Variants in SHQ1 observed in about 807,000 individuals in gnomAD.
SHQ1 encodes the protein SHQ1, H/ACA ribonucleoprotein assembly factor.
SHQ1 carries 49 observed loss-of-function variants against 53.8 expected under a neutral mutation model. The observed-to-expected ratio is 0.91, with a 90% CI of 0.72 to 1.16. The LOEUF is 1.16. SHQ1 is among the 50% of genes most tolerant of loss of function. The probability of loss-of-function intolerance (pLI) is 0.00; values close to 1 mark genes in which losing one functional copy is unlikely to be tolerated. For synonymous variants in SHQ1, 243 were observed against 251.0 expected, an observed-to-expected ratio of 0.97 and a Z score of 0.30; for missense variants, 738 against 683.1, an observed-to-expected ratio of 1.08 and a Z score of -0.90.
chr3:72,816,242 G>A (rs112153727), intron 7 of SHQ1, among the ~76,000 whole-genome samples: 105 of 152,150 alleles, frequency 6.9e-4, no homozygotes, highest in Non-Finnish European at 1.1e-3. Flanking sequence ...TAGTATACAC[G>A]TTAGGACCTA....
chr3:72,762,387 C>T (rs9878304), intron 10 of SHQ1, among the ~76,000 whole-genome samples: 11,036 of 152,188 alleles, frequency 0.073, 1,195 homozygotes, highest in African/African-American at 0.24. Context: ...CCCAGCTTTG[C>T]AACTGTTTTA....
chr3:72,735,824 G>T, the SHQ1 span, among the ~76,000 whole-genome samples: 4 of 149,884 alleles, frequency 2.7e-5, no homozygotes, highest in Non-Finnish European at 5.9e-5. Context: ...ATGACTGAAG[G>T]TCCAGGGTGG....
chr3:72,762,006 C>T (rs1290474312), intron 10 of SHQ1, among the ~76,000 whole-genome samples: 1 of 152,124 alleles, frequency 6.6e-6, no homozygotes, highest in Non-Finnish European at 1.5e-5. Flanking sequence ...GGCAAGGAGA[C>T]AGGCTCTAGC....
intron 10 of SHQ1, among the ~76,000 whole-genome samples, chr3:72,790,767 A>G (rs897126667): frequency 2.6e-5 from 4 of 152,236 alleles, no homozygotes; most frequent in African/African-American, 9.6e-5. Flanking sequence ...TTAAAATTTA[A>G]CATACAAACT....
the SHQ1 span, among the ~76,000 whole-genome samples, chr3:72,733,443 C>A: frequency 0.93 from 140,298 of 151,266 alleles, 66,123 homozygotes; most frequent in East Asian, 1. Context: ...TGAAAAAAAA[C>A]CAAATTCTCA....
chr3:72,847,404 C>G (rs116123039), intron 1 of SHQ1, among the ~76,000 whole-genome samples: 1 of 152,048 alleles, frequency 6.6e-6, no homozygotes, highest in Non-Finnish European at 1.5e-5. Flanking sequence ...TATGTAGCAG[C>G]GGGTTCTGTG....
intron 3 of SHQ1, 37 bp downstream of exon 3, chr3:72,842,243 A>G: frequency 1.2e-6 from 2 of 1,603,242 alleles, no homozygotes; most frequent in Non-Finnish European, 1.7e-6. Context: ...AAATATTTCT[A>G]TTTATCCTAA....
intron 8 of SHQ1, among the ~76,000 whole-genome samples, chr3:72,813,609 A>C (rs1397196489): frequency 2.6e-5 from 4 of 151,684 alleles, no homozygotes; most frequent in Non-Finnish European, 5.9e-5. Context: ...TAAAACTACA[A>C]AATTAGCCGG....
intron 10 of SHQ1, among the ~76,000 whole-genome samples, chr3:72,779,783 G>T (rs1438206017): frequency 6.6e-6 from 1 of 152,220 alleles, no homozygotes; most frequent in Non-Finnish European, 1.5e-5. Context: ...CAAGAGGAGA[G>T]CCCACCTTAA....
chr3:72,818,572 A>G (rs1707383328), intron 6 of SHQ1, among the ~76,000 whole-genome samples: 1 of 152,306 alleles, frequency 6.6e-6, no homozygotes, highest in Non-Finnish European at 1.5e-5. Context: ...CTTTTTTACA[A>G]TCATTTCCAG....
the SHQ1 span, among the ~76,000 whole-genome samples, chr3:72,742,887 C>T: frequency 6.6e-6 from 1 of 152,118 alleles, no homozygotes; most frequent in African/African-American, 2.4e-5. Context: ...CCACCTGCCT[C>T]GGCCTCCCAA....
At chr3:72,840,560 CAA>C (rs572046519) in intron 4 of SHQ1, among the ~76,000 whole-genome samples, 56 of 97,362 alleles carry the variant, frequency 5.8e-4, no homozygotes, top group Admixed American at 9.6e-4. Context: ...GACTCCGTCT[CAA>C]AAAAAAAAAA....
chr3:72,822,274 A>G (rs1439687502), intron 6 of SHQ1, among the ~76,000 whole-genome samples: 1 of 152,208 alleles, frequency 6.6e-6, no homozygotes, highest in Non-Finnish European at 1.5e-5. Flanking sequence ...GCTATTTTTA[A>G]AGGTGGTTTT....
intron 10 of SHQ1, among the ~76,000 whole-genome samples, chr3:72,760,765 T>C (rs2106717534): frequency 6.6e-6 from 1 of 152,366 alleles, no homozygotes. Context: ...GACTGTGATG[T>C]ACTAAGCTTA....
At chr3:72,847,853 G>A (rs756999065) in intron 1 of SHQ1, among the ~76,000 whole-genome samples, 3 of 152,140 alleles carry the variant, frequency 2.0e-5, no homozygotes, top group Non-Finnish European at 2.9e-5. Context: ...GAGACTGGGA[G>A]AGCAAACGCG....
At chr3:72,818,684 TACG>T (rs1246160781) in intron 6 of SHQ1, among the ~76,000 whole-genome samples, 1 of 152,230 alleles carries the variant, frequency 6.6e-6, no homozygotes, top group Non-Finnish European at 1.5e-5. Context: ...TCCAACAGAA[TACG>T]ACCAAGGCAA....
chr3:72,740,704 T>C, the SHQ1 span, among the ~76,000 whole-genome samples: 1 of 152,146 alleles, frequency 6.6e-6, no homozygotes, highest in East Asian at 1.9e-4. Context: ...CCATGACTGC[T>C]TTTGGGACCT....
intron 10 of SHQ1, among the ~76,000 whole-genome samples, chr3:72,785,018 AC>A (rs1247187894): frequency 2.0e-5 from 3 of 152,118 alleles, no homozygotes; most frequent in African/African-American, 7.2e-5. Flanking sequence ...AAACACACTT[AC>A]CCTTGCTGAG....
At chr3:72,765,325 A>C (rs756823823) in intron 10 of SHQ1, among the ~76,000 whole-genome samples, 17 of 151,114 alleles carry the variant, frequency 1.1e-4, no homozygotes, top group Non-Finnish European at 2.4e-4. Context: ...GTCTCCTCAG[A>C]CCTCTACCTG....
Sources: allele counts gnomAD v4.1 joint callset (sites outside exome capture counted in the v4.1 genomes callset), GRCh38; gene constraint gnomAD v4.1.1; transcripts MANE v1.5; gene names NCBI Gene and HGNC (gene_info 2026-07-23, HGNC 2026-07-21).